LRP1B: variants seen among roughly 807,000 people sequenced by gnomAD.
LRP1B encodes the protein LDL receptor related protein 1B, also known as low-density lipoprotein receptor-related protein 1B.
Under a neutral mutation model 556.6 loss-of-function variants are expected in LRP1B, and 217 were observed. The ratio of observed to expected loss-of-function variants is 0.39; its 90% confidence interval spans 0.35 to 0.44. LRP1B has a LOEUF of 0.44. Among genes scored for constraint, LRP1B ranks in the 20% least tolerant of loss-of-function variants. LRP1B has a pLI of 1.00. For missense variants in LRP1B, 5,053 were observed against 5,620.8 expected, an observed-to-expected ratio of 0.90 and a Z score of 3.23; for synonymous variants, 2,047 against 1,865.8, an observed-to-expected ratio of 1.10 and a Z score of -2.50.
intron 11 of LRP1B, among the ~76,000 whole-genome samples, chr2:141,029,265 T>C (rs1289941487): frequency 6.6e-6 from 1 of 152,148 alleles, no homozygotes; most frequent in Non-Finnish European, 1.5e-5. Context: ...TATGAGGTGA[T>C]CATACCTAAA....
At chr2:140,353,574 T>C (rs973043076) in intron 75 of LRP1B, among the ~76,000 whole-genome samples, 3 of 152,078 alleles carry the variant, frequency 2.0e-5, no homozygotes, top group African/African-American at 7.2e-5. Context: ...CTTGCCCACT[T>C]TTCCATACAG....
At chr2:140,956,918 A>G (rs1695890782) in intron 18 of LRP1B, among the ~76,000 whole-genome samples, 1 of 151,760 alleles carries the variant, frequency 6.6e-6, no homozygotes, top group Non-Finnish European at 1.5e-5. Flanking sequence ...AAGATATTTA[A>G]CTGAGAATTT....
chr2:142,128,728 C>T (rs1036828349), intron 1 of LRP1B, among the ~76,000 whole-genome samples: 1 of 152,142 alleles, frequency 6.6e-6, no homozygotes, highest in Admixed American at 6.5e-5. Context: ...GGTGATACAA[C>T]ACGACACTAT....
intron 1 of LRP1B, among the ~76,000 whole-genome samples, chr2:141,907,638 T>C (rs950166907): frequency 2.6e-5 from 4 of 151,954 alleles, no homozygotes; most frequent in Non-Finnish European, 5.9e-5. Context: ...TTAACAAATA[T>C]TATCTAATGA....
intron 62 of LRP1B, among the ~76,000 whole-genome samples, chr2:140,452,683 G>A (rs1222299507): frequency 6.6e-6 from 1 of 152,046 alleles, no homozygotes; most frequent in Non-Finnish European, 1.5e-5. Flanking sequence ...TATTGCTAAT[G>A]AAAATAGATT....
At chr2:142,015,909 G>A (rs984768095) in intron 1 of LRP1B, among the ~76,000 whole-genome samples, 2 of 149,198 alleles carry the variant, frequency 1.3e-5, no homozygotes, top group Admixed American at 6.8e-5. Flanking sequence ...GAAGAATGGC[G>A]ATAGCCCGGG....
At chr2:141,261,360 T>C (rs1228259797) in intron 3 of LRP1B, among the ~76,000 whole-genome samples, 1 of 152,180 alleles carries the variant, frequency 6.6e-6, no homozygotes, top group Non-Finnish European at 1.5e-5. Context: ...GGTATTTTAA[T>C]GAAGTCCATA....
At chr2:142,045,387 T>A (rs1704221831) in intron 1 of LRP1B, among the ~76,000 whole-genome samples, 1 of 151,890 alleles carries the variant, frequency 6.6e-6, no homozygotes, top group African/African-American at 2.4e-5. Context: ...AACGTTCTCA[T>A]ACCGATTGCA....
intron 3 of LRP1B, among the ~76,000 whole-genome samples, chr2:141,304,379 G>A (rs1370910898): frequency 6.6e-6 from 1 of 151,254 alleles, no homozygotes; most frequent in Non-Finnish European, 1.5e-5. Context: ...TTTTCTTCTA[G>A]TGATTTTATA....
intron 5 of LRP1B, among the ~76,000 whole-genome samples, chr2:141,240,867 T>A (rs886226499): frequency 6.6e-6 from 1 of 152,092 alleles, no homozygotes; most frequent in South Asian, 2.1e-4. Context: ...TTTTTTTCCA[T>A]GTCTCATATT....
intron 20 of LRP1B, among the ~76,000 whole-genome samples, chr2:140,932,916 C>CACACACACACACACAT (rs766679275): frequency 6.8e-6 from 1 of 147,618 alleles, no homozygotes; most frequent in East Asian, 2.0e-4. Flanking sequence ...CACACACACA[C>CACACACACACACACAT]ATATATATGT....
chr2:140,720,100 C>T (rs1231063078), intron 35 of LRP1B, among the ~76,000 whole-genome samples: 1 of 151,942 alleles, frequency 6.6e-6, no homozygotes, highest in Non-Finnish European at 1.5e-5. Flanking sequence ...ATTTTCAGAA[C>T]CATGTCCTGA....
At chr2:141,571,232 G>T (rs113116546) in intron 2 of LRP1B, among the ~76,000 whole-genome samples, 1 of 150,824 alleles carries the variant, frequency 6.6e-6, no homozygotes, top group African/African-American at 2.4e-5. Flanking sequence ...TCTCCAGCCC[G>T]CTTGAGTGAC....
chr2:141,781,170 T>C (rs1284409354), intron 2 of LRP1B, among the ~76,000 whole-genome samples: 2 of 152,150 alleles, frequency 1.3e-5, no homozygotes, highest in African/African-American at 4.8e-5. Context: ...CACAAGCCAT[T>C]GGGAGGTAAG....
At chr2:140,703,006 A>C (rs1428930398) in intron 37 of LRP1B, among the ~76,000 whole-genome samples, 7 of 152,168 alleles carry the variant, frequency 4.6e-5, no homozygotes. Context: ...ACTAGACTGT[A>C]AGCTCAACAA....
intron 31 of LRP1B, among the ~76,000 whole-genome samples, chr2:140,838,967 C>T (rs925224537): frequency 6.6e-6 from 1 of 151,970 alleles, no homozygotes; most frequent in Non-Finnish European, 1.5e-5. Context: ...GTCAAGGTTC[C>T]CTGTCAGTGC....
At chr2:140,382,939 C>T (rs1215952592) in intron 67 of LRP1B, among the ~76,000 whole-genome samples, 2 of 152,056 alleles carry the variant, frequency 1.3e-5, no homozygotes, top group African/African-American at 4.8e-5. Flanking sequence ...TGTTACAATT[C>T]CCTACAGTAT....
At chr2:141,923,785 T>C (rs1700262557) in intron 1 of LRP1B, among the ~76,000 whole-genome samples, 1 of 152,000 alleles carries the variant, frequency 6.6e-6, no homozygotes, top group Non-Finnish European at 1.5e-5. Context: ...CTTAGGTATT[T>C]TGATACTTAA....
Position 140,372,989 on chromosome 2 carries a change from A to T in LRP1B, c.10768+19T>A, listed in dbSNP as rs2105170980. 6.2e-7 allele frequency: 1 copy of T among 1,611,654 alleles called. No individual in the cohort carries two copies. ...AGGTAAAATGTTAACTAAATGATAT[A>T]TTACTTCAATCCTTTTACCTGGCTC... On this transcript the variant is annotated intron_variant, in intron 69 of 90. Coordinates refer to ENST00000389484, the MANE Select transcript of LRP1B (RefSeq NM_018557.3).
Sources: gnomAD v4.1 joint callset for allele counts (sites outside exome capture counted in the v4.1 genomes callset) on GRCh38, gnomAD v4.1.1 for gene constraint, MANE v1.5 for transcripts, NCBI Gene and HGNC (gene_info 2026-07-23, HGNC 2026-07-21) for gene names.